Variants in CADM3 observed in about 807,000 individuals in gnomAD.
CADM3 encodes the protein TSLC1-like 1.
Under a neutral mutation model 44.9 loss-of-function variants are expected in CADM3, and 11 were observed. The observed-to-expected ratio is 0.25, with a 90% CI of 0.15 to 0.41. CADM3 has a LOEUF of 0.41. Ranked by LOEUF, CADM3 falls within the 10% of genes least tolerant of loss-of-function variation. The probability of loss-of-function intolerance (pLI) is 1.00; values close to 1 mark genes in which losing one functional copy is unlikely to be tolerated. For synonymous variants in CADM3, 207 were observed against 205.2 expected (o/e 1.01, Z -0.08); for missense variants, 426 against 512.0 (o/e 0.83, Z 1.62).
intron 1 of CADM3, among the ~76,000 whole-genome samples, chr1:159,177,407 G>A (rs1457334477): frequency 6.6e-6 from 1 of 152,126 alleles, no homozygotes; most frequent in Non-Finnish European, 1.5e-5. Flanking sequence ...CGTGATCCCA[G>A]TTCCCCTGTT....
chr1:159,177,045 A>G (rs1649045229), intron 1 of CADM3, among the ~76,000 whole-genome samples: 2 of 152,166 alleles, frequency 1.3e-5, no homozygotes, highest in Admixed American at 6.5e-5. Context: ...ACGAAAATAC[A>G]TATTTTGACT....
At chr1:159,195,508 A>G (rs1649850261) in intron 5 of CADM3, 1 of 152,206 alleles carries the variant, frequency 6.6e-6, no homozygotes, top group Non-Finnish European at 1.5e-5. Flanking sequence ...GGACCCTTTT[A>G]GCCCAACTGT....
intron 2 of CADM3, 75 bp downstream of exon 2, chr1:159,192,151 T>C (rs1649693852): frequency 7.4e-6 from 11 of 1,491,102 alleles, no homozygotes; most frequent in Non-Finnish European, 9.1e-6. Flanking sequence ...CGAGGGGAAC[T>C]GTTCCTGTCA....
intron 1 of CADM3, among the ~76,000 whole-genome samples, chr1:159,180,195 G>A (rs1649175488): frequency 6.6e-6 from 1 of 152,150 alleles, no homozygotes; most frequent in African/African-American, 2.4e-5. Flanking sequence ...TATTCTGGAA[G>A]TAAGGGGTTC....
At chr1:159,173,000 C>T (rs935805596) in intron 1 of CADM3, among the ~76,000 whole-genome samples, 2 of 151,980 alleles carry the variant, frequency 1.3e-5, no homozygotes, top group Non-Finnish European at 2.9e-5. Context: ...AATGCATCCT[C>T]CTCCCCCCAC....
At chr1:159,176,958 G>T (rs1353429723) in intron 1 of CADM3, among the ~76,000 whole-genome samples, 1 of 152,124 alleles carries the variant, frequency 6.6e-6, no homozygotes, top group Non-Finnish European at 1.5e-5. Flanking sequence ...CTCTTCTAGT[G>T]TGATTGTCTG....
At chr1:159,194,114 CTG>C (rs1021558140) in intron 5 of CADM3, 74 bp downstream of exon 5, 24 of 1,471,936 alleles carry the variant, frequency 1.6e-5, no homozygotes, top group East Asian at 1.1e-4. Flanking sequence ...ATGCAGGTGA[CTG>C]TGCATGAAAC....
chr1:159,182,687 A>C (rs1361737215), intron 1 of CADM3, among the ~76,000 whole-genome samples: 1 of 152,234 alleles, frequency 6.6e-6, no homozygotes, highest in Admixed American at 6.5e-5. Context: ...CAGAAAGGGC[A>C]TTAGTTCCAT....
rs945248335 is a variant in CADM3, at chr1:159,199,762, G to T, written c.964G>T (p.Val322Leu). ...GCCCTTTCTTCCAGACCCCAGTCCG[G>T]TGCCCTCCTCCTCCAGCACCTACCA... ...YTLNVNDPSP[V>L]PSSSSTYHAI... Residue 322 changes from valine (V) to leucine (L), a missense_variant, in exon 8 of 9, where the codon GTG becomes TTG. Around this residue, in one of 2 missense-constraint regions of CADM3, gnomAD observed 362 missense variants for 474.6 expected, o/e 0.76. Coordinates refer to ENST00000368125, the MANE Select transcript of CADM3 (RefSeq NM_001127173.3). 2 of 1,613,938 alleles carry T rather than the reference G, an allele frequency of 1.2e-6. No individual in the cohort carries two copies. Among genetic ancestry groups the T allele is most frequent in the Admixed American group, 1.7e-5 (1 of 59,998 alleles).
chr1:159,201,023 C>T lies in CADM3; in HGVS notation c.*101C>T, dbSNP rs946906737. ...CAGAGCAACCGCAGGGCCGCCCCTCCCGCTTGCTCCCCAGCCCACCCACCC... is the reference window on the plus strand; with the variant it reads ...CAGAGCAACCGCAGGGCCGCCCCTCTCGCTTGCTCCCCAGCCCACCCACCC... On this transcript the variant is annotated 3_prime_UTR_variant, in exon 9 of 9. Coordinates refer to ENST00000368125, the MANE Select transcript of CADM3 (RefSeq NM_001127173.3). 2.4e-5 allele frequency: 17 copies of T among 699,838 alleles called. No homozygotes were observed. The African/African-American group carries it at 3.1e-4, about 13-fold the overall frequency. The allele number at this position is 699,838 out of a possible 1,614,324, so 43.4% of individuals were successfully genotyped here. A position where few individuals can be genotyped will look rare whatever the true frequency, so the allele number is the denominator to read the frequency against.
At chr1:159,193,758 G>C in intron 4 of CADM3, 112 bp from the exon 5 acceptor site, 1 of 1,478,962 alleles carries the variant, frequency 6.8e-7, no homozygotes, top group South Asian at 1.2e-5. Flanking sequence ...TATCTAGGTT[G>C]AGACTCACCA....
Position 159,171,752 on chromosome 1 carries a change from G to T in CADM3, c.-14G>T, listed in dbSNP as rs1029228245. 13 of 1,234,116 alleles carry T rather than the reference G, an allele frequency of 1.1e-5. No homozygotes were observed. Among genetic ancestry groups the T allele is most frequent in the African/African-American group, 3.1e-5 (2 of 64,432 alleles). 76.4% of individuals were successfully genotyped at this position (1,234,116 alleles called of 1,614,324 possible). A position where few individuals can be genotyped will look rare whatever the true frequency, so the allele number is the denominator to read the frequency against. Reference sequence around the variant, plus strand: ...CTCGCCAGCGCCCAGCCAGGGAGCCGGCCGGGAAGCGCGATGGGGGCCCCA... The same window carrying T: ...CTCGCCAGCGCCCAGCCAGGGAGCCTGCCGGGAAGCGCGATGGGGGCCCCA... On this transcript the variant is annotated 5_prime_UTR_variant, in exon 1 of 9. Coordinates refer to ENST00000368125, the MANE Select transcript of CADM3 (RefSeq NM_001127173.3).
intron 1 of CADM3, among the ~76,000 whole-genome samples, chr1:159,190,665 C>G (rs1276308816): frequency 6.6e-6 from 1 of 152,200 alleles, no homozygotes; most frequent in East Asian, 1.9e-4. Context: ...ATCTTCATTC[C>G]TCAGGGCCTC....
chr1:159,196,265 G>A (rs961100857), intron 5 of CADM3, 99 bp from the exon 6 acceptor site: 12 of 861,952 alleles, frequency 1.4e-5, no homozygotes, highest in Admixed American at 8.5e-5. Context: ...CTTGAGCTGC[G>A]GAAACATTTA....
intron 1 of CADM3, among the ~76,000 whole-genome samples, chr1:159,173,007 C>A (rs1003040498): frequency 1.1e-4 from 17 of 152,068 alleles, no homozygotes; most frequent in Non-Finnish European, 1.9e-4. Flanking sequence ...CCTCCTCCCC[C>A]CACCGCCCTG....
At chr1:159,175,811 C>A (rs1648994980) in intron 1 of CADM3, among the ~76,000 whole-genome samples, 1 of 152,216 alleles carries the variant, frequency 6.6e-6, no homozygotes, top group African/African-American at 2.4e-5. Context: ...ACTCATAGTT[C>A]TGCAGCCATA....
At chr1:159,200,311 A>C in intron 8 of CADM3, among the ~76,000 whole-genome samples, 1 of 151,362 alleles carries the variant, frequency 6.6e-6, no homozygotes. Context: ...TCTCTCTTAT[A>C]TCCATGCCTT....
intron 1 of CADM3, among the ~76,000 whole-genome samples, chr1:159,184,075 T>A (rs1324216694): frequency 6.6e-6 from 1 of 152,142 alleles, no homozygotes; most frequent in East Asian, 1.9e-4. Context: ...CACAACCAAA[T>A]ATTCACTGTC....
chr1:159,180,319 G>A (rs992913671), intron 1 of CADM3, among the ~76,000 whole-genome samples: 8 of 152,290 alleles, frequency 5.3e-5, no homozygotes, highest in Non-Finnish European at 7.3e-5. Context: ...AGTGTCTTGT[G>A]TGTGTGTATT....
Sources: allele counts gnomAD v4.1 joint callset (sites outside exome capture counted in the v4.1 genomes callset), GRCh38; gene constraint gnomAD v4.1.1; regional missense constraint gnomAD v4.1.1; transcripts MANE v1.5; gene names NCBI Gene and HGNC (gene_info 2026-07-23, HGNC 2026-07-21).